Variants in SPAG5 observed in about 807,000 individuals in gnomAD.
The protein encoded by SPAG5 is sperm-associated antigen 5.
In SPAG5, 99 loss-of-function variants were observed where a neutral mutation model predicts 145.4. The ratio of observed to expected loss-of-function variants is 0.68; its 90% CI spans 0.58 to 0.80. The LOEUF (loss-of-function observed/expected upper bound fraction) is 0.80, where lower values mean the gene tolerates loss of function less well. Ranked by LOEUF, SPAG5 falls within the 30% of genes least tolerant of loss-of-function variation. SPAG5 has a pLI of 0.00. For missense variants in SPAG5, 1,192 were observed against 1,416.0 expected, an observed-to-expected ratio of 0.84 and a Z score of 2.54; for synonymous variants, 477 against 525.4, an observed-to-expected ratio of 0.91 and a Z score of 1.26.
rs2070533710 is a variant in SPAG5 at position 28,579,371 on chromosome 17, C to T, written c.2999G>A (p.Arg1000Gln). 5.0e-6 allele frequency: 8 copies of T among 1,613,962 alleles called. No individual in the cohort carries two copies. The highest frequency in any genetic ancestry group is 4.5e-5 in the East Asian group (2 of 44,886). The change falls in exon 18 of 24, where the codon CGA becomes CAA. Residue 1000 changes from arginine to glutamine, a missense_variant. By Grantham distance (43) the Arg-to-Gln change is conservative. This residue lies in a region of SPAG5 where 709 missense variants were observed against 840.7 expected (regional missense o/e 0.84). Coordinates refer to ENST00000321765, the MANE Select transcript of SPAG5 (RefSeq NM_006461.4). The stretch of plus-strand genomic sequence containing the variant: ...AAAACTGCATCCCACTCACATTTTT[C>T]GCTGCAGAGTCCTGATGGCTTCTTC... ...SKEEAIRTLQ[R>Q]KICELQARLQ...
In SPAG5 at chr17:28,587,779, G is replaced by A. The variant is rs866273628; in HGVS notation, c.1438-1280C>T. Among the ~76,000 whole-genome samples the A allele has an allele frequency of 6.5e-4, 98 of 150,000 alleles. 1 individual carries two copies. Among genetic ancestry groups the A allele is most frequent in the African/African-American group, 2.3e-3 (93 of 40,808 alleles). ...TATATCCTGCAGATAAATAGAGTATGCTTACCAGCATTACCTATTTTATTC... is the reference window on the plus strand; with the variant it reads ...TATATCCTGCAGATAAATAGAGTATACTTACCAGCATTACCTATTTTATTC... On this transcript the variant is annotated intron_variant, in intron 4 of 23. Transcript: ENST00000321765.
chr17:28,595,884 TAAA>T (rs1405457890), intron 2 of SPAG5, among the ~76,000 whole-genome samples: 1 of 151,514 alleles, frequency 6.6e-6, no homozygotes, highest in African/African-American at 2.4e-5. Flanking sequence ...CTGTCTCTAC[TAAA>T]AATACAAAAA....
At chr17:28,591,931 A>C (rs1292162338) in intron 3 of SPAG5, 51 bp downstream of exon 3, 3 of 1,609,252 alleles carry the variant, frequency 1.9e-6, no homozygotes, top group Non-Finnish European at 2.6e-6. Context: ...ATGGGAGGGG[A>C]AGGTCCAGGG....
chr17:28,577,709 A>T lies in SPAG5; in HGVS notation c.3572T>A (p.Phe1191Tyr). The T allele has an allele frequency of 6.2e-7, 1 of 1,613,400 alleles. No individual in the cohort carries two copies. The highest frequency in any genetic ancestry group is 8.5e-7 in the Non-Finnish European group (1 of 1,179,280). The change falls in exon 24 of 24, where the codon TTT becomes TAT. Residue 1191 changes from phenylalanine (F) to tyrosine (Y), a missense_variant. Around this residue, in one of 5 missense-constraint regions of SPAG5, gnomAD observed 709 missense variants for 840.7 expected, o/e 0.84. Transcript: ENST00000321765. ...GCKELQGLLE[F>Y]LS Reference sequence around the variant, plus strand: ...CTGGCTTTCAGTTTCTTAGCTCAGAAATTCCAGCAATCCCTGTAGTTCTTT... The same window carrying T: ...CTGGCTTTCAGTTTCTTAGCTCAGATATTCCAGCAATCCCTGTAGTTCTTT...
Position 28,578,012 on chromosome 17 carries a change from T to C in SPAG5, c.3508A>G (p.Lys1170Glu). The change falls in exon 23 of 24, where the codon AAG (lysine) becomes GAG (glutamate). Residue 1170 changes from lysine (K) to glutamate (E), a missense_variant and splice_region_variant. Transcript: ENST00000321765. ...TATCACCTCCCTCCTGCCTATACCT[T>C]ATAAATATGCTGAACAATGTCATCT... The part of the protein sequence containing the change: ...KLDDIVQHIY[K>E]TLLSIPEVVR... 6.2e-7 allele frequency: 1 copy of C among 1,613,190 alleles called. No individual in the cohort carries two copies. The highest frequency in any genetic ancestry group is 2.2e-5 in the East Asian group (1 of 44,882).
intron 4 of SPAG5, among the ~76,000 whole-genome samples, chr17:28,589,935 A>T (rs1015757640): frequency 1.3e-5 from 2 of 152,156 alleles, no homozygotes; most frequent in Non-Finnish European, 2.9e-5. Flanking sequence ...AAAATCTGTT[A>T]TTAACCATCA....
chr17:28,592,443 C>CTCCTCTGGG lies in SPAG5; in HGVS notation c.792_800dup (p.Asp264_Glu266dup). ...CCATAGCTCCATGCTCTACAATTTC[C>CTCCTCTGGG]TCCTCTGGGTCCACATGATTGACAC... is the stretch of plus-strand genomic sequence containing the variant. On this transcript the variant is annotated inframe_insertion, in exon 3 of 24. Transcript: ENST00000321765. The CTCCTCTGGG allele has an allele frequency of 6.2e-7, 1 of 1,613,754 alleles. No individual in the cohort carries two copies. Among genetic ancestry groups the CTCCTCTGGG allele is most frequent in the Non-Finnish European group, 8.5e-7 (1 of 1,180,042 alleles).
intron 15 of SPAG5, 146 bp from the exon 16 acceptor site, chr17:28,580,266 T>C (rs2070541636): frequency 1.9e-6 from 1 of 514,242 alleles, no homozygotes; most frequent in South Asian, 3.9e-5. Flanking sequence ...TGCCTTTCTC[T>C]GAACATGTTT....
chr17:28,586,107 T>C lies in SPAG5; in HGVS notation c.1588A>G (p.Thr530Ala), dbSNP rs775485330. ...CTGCTTACCTCCTGACTCACAGTAG[T>C]CTTATCTTCTTCTAAATGCAACAGG... ...LSLLHLEEDK[T>A]TVSQESRRAE... The change falls in exon 6 of 24, where the codon ACT (threonine) becomes GCT (alanine). Residue 530 changes from threonine to alanine, a missense_variant. Physicochemically the swap from Thr to Ala is moderately conservative, Grantham distance 58 (BLOSUM62 0). Coordinates refer to ENST00000321765, the MANE Select transcript of SPAG5 (RefSeq NM_006461.4). 24 of 1,613,984 alleles carry C rather than the reference T, an allele frequency of 1.5e-5. No homozygotes were observed. The highest frequency in any genetic ancestry group is 1.9e-5 in the Non-Finnish European group (23 of 1,179,968).
intron 2 of SPAG5, among the ~76,000 whole-genome samples, chr17:28,597,955 T>C (rs1430919813): frequency 6.6e-6 from 1 of 152,262 alleles, no homozygotes; most frequent in Non-Finnish European, 1.5e-5. Flanking sequence ...AGGAATCTTA[T>C]ACAGGAGTCA....
rs2070633214 is a variant in SPAG5, at chr17:28,592,898, C to G, written c.346G>C (p.Glu116Gln). The G allele has an allele frequency of 6.2e-7, 1 of 1,614,072 alleles. No individual in the cohort carries two copies. Among genetic ancestry groups the G allele is most frequent in the Non-Finnish European group, 8.5e-7 (1 of 1,180,042 alleles). ...TTGCCCAGTGGGTCTACTGCTTCCT[C>G]AGACGTTTTAGGAGTAGAGCTAATT... ...PQISSTPKTS[E>Q]EAVDPLGNYM... is the part of the protein sequence containing the mutation. Residue 116 changes from glutamate (E) to glutamine (Q), a missense_variant, in exon 3 of 24, where the codon GAG becomes CAG. Transcript: ENST00000321765.
intron 9 of SPAG5, 35 bp downstream of exon 9, chr17:28,585,284 G>A (rs1296543651): frequency 3.7e-6 from 6 of 1,611,178 alleles, no homozygotes; most frequent in Middle Eastern, 1.7e-4. Flanking sequence ...CTTGATGTGA[G>A]TAAGGAATTA....
intron 17 of SPAG5, 58 bp from the exon 18 acceptor site, chr17:28,579,543 T>C: frequency 6.3e-7 from 1 of 1,578,296 alleles, no homozygotes; most frequent in African/African-American, 1.4e-5. Context: ...GGAAGGAGTG[T>C]ATAGCCATCA....
Position 28,583,532 on chromosome 17 carries a change from T to C in SPAG5, c.2664A>G (p.Leu888=). Residue 888 remains leucine (L), a synonymous_variant, in exon 15 of 24, where the codon CTA becomes CTG. Coordinates refer to ENST00000321765, the MANE Select transcript of SPAG5 (RefSeq NM_006461.4). ...CTACCTTCTCCTTTAGTTTTGTCTG[T>C]AGAAAGAGAGTCAGGCTCTGTAGTT... ...TEQLQSLTLF[L]QTKLKEKTEQ... 3 of 1,607,508 alleles carry C rather than the reference T, an allele frequency of 1.9e-6. No homozygotes were observed. Among genetic ancestry groups the C allele is most frequent in the East Asian group, 2.2e-5 (1 of 44,832 alleles).
intron 4 of SPAG5, among the ~76,000 whole-genome samples, chr17:28,587,842 T>G (rs1397097189): frequency 2.6e-5 from 4 of 152,210 alleles, no homozygotes; most frequent in African/African-American, 9.6e-5. Context: ...ATCTCACTGT[T>G]CAATTTGCAT....
At chr17:28,594,635 C>T (rs2070648052) in intron 2 of SPAG5, among the ~76,000 whole-genome samples, 1 of 151,898 alleles carries the variant, frequency 6.6e-6, no homozygotes, top group Admixed American at 6.6e-5. Flanking sequence ...TGAAATTTCT[C>T]ATTTATATTA....
chr17:28,586,448 G>A lies in SPAG5; in HGVS notation c.1489C>T (p.Leu497=), dbSNP rs369189167. 7.0e-5 allele frequency: 113 copies of A among 1,613,692 alleles called. No homozygotes were observed. The highest frequency in any genetic ancestry group is 9.4e-5 in the Non-Finnish European group (111 of 1,179,664). ...ACCATGACATTTCTGGCCTGCTGTAGGGCCTGTCCCATCTCATGGCTCTCC... is the reference window on the plus strand; with the variant it reads ...ACCATGACATTTCTGGCCTGCTGTAAGGCCTGTCCCATCTCATGGCTCTCC... ...LKESHEMGQA[L]QQARNVMQSW... The change falls in exon 5 of 24, where the codon CTA becomes TTA. Residue 497 remains leucine (L), a synonymous_variant. Transcript: ENST00000321765.
intron 9 of SPAG5, 44 bp from the exon 10 acceptor site, chr17:28,585,259 A>G (rs1261887544): frequency 1.9e-6 from 3 of 1,611,038 alleles, no homozygotes; most frequent in Non-Finnish European, 2.5e-6. Context: ...ACTTGAGGCA[A>G]AGCTCACAAC....
In SPAG5 at chr17:28,583,540, G is replaced by T; in HGVS notation, c.2656C>A (p.Leu886Ile). Residue 886 changes from leucine (L) to isoleucine (I), a missense_variant, in exon 15 of 24, where the codon CTC (leucine) becomes ATC (isoleucine). Transcript: ENST00000321765. The part of the protein sequence containing the change: ...LLTEQLQSLT[L>I]FLQTKLKEKT... ...TCCTTTAGTTTTGTCTGTAGAAAGA[G>T]AGTCAGGCTCTGTAGTTGCTCAGTC... The T allele has an allele frequency of 1.2e-6, 2 of 1,610,392 alleles. No homozygotes were observed. Among genetic ancestry groups the T allele is most frequent in the Non-Finnish European group, 1.7e-6 (2 of 1,178,990 alleles).
Sources: allele counts gnomAD v4.1 joint callset (sites outside exome capture counted in the v4.1 genomes callset), GRCh38; gene constraint gnomAD v4.1.1; regional missense constraint gnomAD v4.1.1; transcripts MANE v1.5; gene names NCBI Gene and HGNC (gene_info 2026-07-23, HGNC 2026-07-21).